The following GABRG3 variants were observed in gnomAD, a reference collection of about 807,000 sequenced individuals.
The protein encoded by GABRG3 is gamma-aminobutyric acid type A receptor subunit gamma3, also known as gamma-aminobutyric acid receptor subunit gamma-3.
Under a neutral mutation model 48.8 loss-of-function variants are expected in GABRG3, and 25 were observed. The observed-to-expected ratio is 0.51, with a 90% confidence interval of 0.37 to 0.72. The LOEUF (loss-of-function observed/expected upper bound fraction) is 0.72, where lower values mean the gene tolerates loss of function less well. Among genes scored for constraint, GABRG3 ranks in the 30% least tolerant of loss-of-function variants. GABRG3 has a pLI of 0.00. For missense variants in GABRG3, 394 were observed against 577.9 expected (o/e 0.68, Z 3.26); for synonymous variants, 227 against 217.6 (o/e 1.04, Z -0.38).
chr15:27,072,731 A>G (rs928097201), intron 3 of GABRG3, among the ~76,000 whole-genome samples: 1 of 152,066 alleles, frequency 6.6e-6, no homozygotes, highest in Non-Finnish European at 1.5e-5. Flanking sequence ...CATACCACCC[A>G]CCATGAGGAG....
At chr15:27,294,048 T>C (rs1891892982) in intron 3 of GABRG3, among the ~76,000 whole-genome samples, 1 of 152,106 alleles carries the variant, frequency 6.6e-6, no homozygotes, top group South Asian at 2.1e-4. Flanking sequence ...CAGAATTGGC[T>C]CCATTAAGTA....
At chr15:27,177,942 G>T (rs1484442012) in intron 3 of GABRG3, among the ~76,000 whole-genome samples, 1 of 152,086 alleles carries the variant, frequency 6.6e-6, no homozygotes, top group East Asian at 1.9e-4. Flanking sequence ...AACATCAAGG[G>T]GAAGGGAGAT....
At chr15:27,441,348 C>T (rs886405279) in intron 5 of GABRG3, among the ~76,000 whole-genome samples, 1 of 152,260 alleles carries the variant, frequency 6.6e-6, no homozygotes, top group Non-Finnish European at 1.5e-5. Context: ...TTGTAAACCA[C>T]GTGGCAGGTA....
chr15:27,130,113 C>T (rs1897890218), intron 3 of GABRG3, among the ~76,000 whole-genome samples: 1 of 152,008 alleles, frequency 6.6e-6, no homozygotes, highest in African/African-American at 2.4e-5. Flanking sequence ...GTGTCATATT[C>T]AAGAAATAAT....
At chr15:27,461,915 A>G (rs12906172) in intron 5 of GABRG3, among the ~76,000 whole-genome samples, 1 of 152,024 alleles carries the variant, frequency 6.6e-6, no homozygotes, top group Non-Finnish European at 1.5e-5. Flanking sequence ...AAAGTTGCCC[A>G]TCTCACGAGA....
At chr15:27,416,014 T>A (rs913336281) in intron 5 of GABRG3, among the ~76,000 whole-genome samples, 1 of 152,182 alleles carries the variant, frequency 6.6e-6, no homozygotes, top group Admixed American at 6.5e-5. Context: ...CATTCAAATG[T>A]TGAAGCCCTC....
intron 5 of GABRG3, among the ~76,000 whole-genome samples, chr15:27,367,803 G>A (rs1352653562): frequency 6.6e-6 from 1 of 152,108 alleles, no homozygotes; most frequent in Non-Finnish European, 1.5e-5. Context: ...GATTAACCTT[G>A]ATAGCTGCCC....
chr15:27,164,920 G>A (rs559899009), intron 3 of GABRG3, among the ~76,000 whole-genome samples: 6 of 152,258 alleles, frequency 3.9e-5, no homozygotes, highest in South Asian at 4.1e-4. Flanking sequence ...GATGTCTCTC[G>A]TATCAAGCGA....
intron 3 of GABRG3, among the ~76,000 whole-genome samples, chr15:27,149,565 A>G (rs1012300430): frequency 1.3e-5 from 2 of 152,236 alleles, no homozygotes; most frequent in Non-Finnish European, 2.9e-5. Flanking sequence ...TGGAGGATTG[A>G]CAATTTGCAT....
At chr15:27,265,374 C>T (rs998274664) in intron 3 of GABRG3, among the ~76,000 whole-genome samples, 23 of 152,038 alleles carry the variant, frequency 1.5e-4, no homozygotes, top group Admixed American at 9.8e-4. Context: ...AACAACCAGC[C>T]GTACAAAAAA....
intron 3 of GABRG3, among the ~76,000 whole-genome samples, chr15:27,313,140 G>A (rs1893053549): frequency 6.9e-6 from 1 of 144,030 alleles, no homozygotes; most frequent in Non-Finnish European, 1.5e-5. Flanking sequence ...ACACAAAGAT[G>A]GCCATAATGT....
intron 2 of GABRG3, among the ~76,000 whole-genome samples, chr15:27,013,727 A>G (rs1895729162): frequency 6.6e-6 from 1 of 152,068 alleles, no homozygotes; most frequent in Non-Finnish European, 1.5e-5. Context: ...ATTGGTCTCT[A>G]TATCTGTCTT....
intron 3 of GABRG3, among the ~76,000 whole-genome samples, chr15:27,046,553 A>G (rs1896369085): frequency 1.3e-5 from 2 of 152,354 alleles, no homozygotes; most frequent in South Asian, 2.1e-4. Context: ...TGCTGTGCGC[A>G]TCCCTTACTG....
At chr15:27,450,843 T>TA (rs1169818237) in intron 5 of GABRG3, among the ~76,000 whole-genome samples, 1 of 152,124 alleles carries the variant, frequency 6.6e-6, no homozygotes, top group Non-Finnish European at 1.5e-5. Flanking sequence ...TTAAAACTAA[T>TA]AAACAAATTC....
chr15:27,137,807 C>T (rs1295028306), intron 3 of GABRG3, among the ~76,000 whole-genome samples: 1 of 152,142 alleles, frequency 6.6e-6, no homozygotes, highest in East Asian at 1.9e-4. Flanking sequence ...GACTTCTTGT[C>T]TTTCTCCCCT....
chr15:27,085,198 G>A (rs1226378140), intron 3 of GABRG3, among the ~76,000 whole-genome samples: 1 of 152,136 alleles, frequency 6.6e-6, no homozygotes, highest in African/African-American at 2.4e-5. Context: ...GGAGAGGAGG[G>A]GAGTCTGACC....
chr15:27,119,649 CAAATG>C (rs1230208050), intron 3 of GABRG3, among the ~76,000 whole-genome samples: 1 of 152,140 alleles, frequency 6.6e-6, no homozygotes. Context: ...TCTAGAGTCT[CAAATG>C]GGGATGAATG....
intron 5 of GABRG3, among the ~76,000 whole-genome samples, chr15:27,367,367 C>G (rs1895243461): frequency 6.6e-6 from 1 of 152,162 alleles, no homozygotes; most frequent in South Asian, 2.1e-4. Context: ...ATAAAAGAAA[C>G]CAGCCTACCA....
intron 6 of GABRG3, among the ~76,000 whole-genome samples, chr15:27,493,320 T>A (rs545375793): frequency 1.6e-3 from 248 of 152,110 alleles, no homozygotes; most frequent in South Asian, 0.01. Flanking sequence ...ATTTTTTTTT[T>A]AAAAAACTTA....
Sources: gnomAD v4.1 joint callset for allele counts (sites outside exome capture counted in the v4.1 genomes callset) on GRCh38, gnomAD v4.1.1 for gene constraint, MANE v1.5 for transcripts, NCBI Gene and HGNC (gene_info 2026-07-23, HGNC 2026-07-21) for gene names.